TAFA1: variants seen among roughly 807,000 people sequenced by gnomAD.
TAFA1 encodes chemokine-like protein TAFA-1.
A neutral mutation model predicts 18.5 loss-of-function variants in TAFA1; 4 were observed. That is an observed-to-expected ratio of 0.22 (90% CI 0.11 to 0.49). The LOEUF (loss-of-function observed/expected upper bound fraction) is 0.49, where lower values mean the gene tolerates loss of function less well. TAFA1 is among the 20% of genes least tolerant of loss of function. TAFA1 has a pLI of 0.98. For missense variants in TAFA1, 147 were observed against 169.0 expected (o/e 0.87, Z 0.72); for synonymous variants, 56 against 55.2 (o/e 1.01, Z -0.06).
chr3:68,477,734 G>A (rs1483571892), intron 3 of TAFA1, among the ~76,000 whole-genome samples: 4 of 152,092 alleles, frequency 2.6e-5, no homozygotes, highest in Non-Finnish European at 5.9e-5. Context: ...TTGGATATAA[G>A]CCTAACAGTG....
chr3:68,153,656 T>C (rs2065833002), intron 2 of TAFA1, among the ~76,000 whole-genome samples: 1 of 152,158 alleles, frequency 6.6e-6, no homozygotes, highest in Non-Finnish European at 1.5e-5. Flanking sequence ...CATGGGTTGG[T>C]TAAGATTCTT....
the TAFA1 span, among the ~76,000 whole-genome samples, chr3:67,995,128 T>A: frequency 4.6e-5 from 7 of 152,360 alleles, no homozygotes; most frequent in African/African-American, 1.7e-4. Context: ...TCAATAAAGA[T>A]GCCTACCTTG....
intron 2 of TAFA1, among the ~76,000 whole-genome samples, chr3:68,390,416 C>T (rs1270672612): frequency 1.3e-5 from 2 of 152,202 alleles, no homozygotes; most frequent in Non-Finnish European, 2.9e-5. Flanking sequence ...GAAGGGGCAG[C>T]TGTGGGGACA....
intron 2 of TAFA1, among the ~76,000 whole-genome samples, chr3:68,269,873 A>T (rs1194100749): frequency 6.6e-6 from 1 of 152,218 alleles, no homozygotes; most frequent in Non-Finnish European, 1.5e-5. Flanking sequence ...GAAGGAAAAG[A>T]TACAAGCTTT....
chr3:68,272,040 G>C (rs2067686422), intron 2 of TAFA1, among the ~76,000 whole-genome samples: 1 of 152,122 alleles, frequency 6.6e-6, no homozygotes, highest in African/African-American at 2.4e-5. Context: ...ATTGACTTAT[G>C]GCAATGTATG....
intron 3 of TAFA1, among the ~76,000 whole-genome samples, chr3:68,517,192 A>G (rs1040388851): frequency 1.5e-4 from 23 of 152,190 alleles, no homozygotes; most frequent in Non-Finnish European, 4.4e-5. Context: ...ACTTCTTAAA[A>G]GAAACTGAGG....
intron 3 of TAFA1, among the ~76,000 whole-genome samples, chr3:68,428,906 C>G (rs923333191): frequency 3.3e-5 from 5 of 151,958 alleles, no homozygotes; most frequent in African/African-American, 1.2e-4. Flanking sequence ...CCAGATGCCT[C>G]TTCTCATCAA....
rs1282369886 is a variant in TAFA1, at chr3:68,324,869, A to T, written c.119-92411A>T. The stretch of plus-strand genomic sequence containing the variant: ...TCACTTTTTAGGCAGGAAAGGGATG[A>T]TTTGTTCTGTTTTGTAGTTTGGCTC... On this transcript the variant is annotated intron_variant, in intron 2 of 4. Coordinates refer to ENST00000478136, the MANE Select transcript of TAFA1 (RefSeq NM_213609.4). Among the ~76,000 whole-genome samples the T allele has an allele frequency of 2.0e-5, 3 of 152,114 alleles. No individual in the cohort carries two copies. In the East Asian group the frequency reaches 5.8e-4, roughly 29 times the overall value.
intron 2 of TAFA1, among the ~76,000 whole-genome samples, chr3:68,412,276 G>A (rs531218815): frequency 4.6e-5 from 7 of 152,164 alleles, no homozygotes; most frequent in Admixed American, 2.6e-4. Flanking sequence ...TATGGGGTGA[G>A]GGTCTGGGTT....
intron 2 of TAFA1, among the ~76,000 whole-genome samples, chr3:68,299,635 C>CA (rs1167894992): frequency 1.3e-5 from 2 of 152,176 alleles, no homozygotes; most frequent in African/African-American, 4.8e-5. Context: ...AAAATGTCTC[C>CA]AGGCCATGTC....
At chr3:68,051,538 A>T (rs1404719508) in intron 2 of TAFA1, among the ~76,000 whole-genome samples, 1 of 152,140 alleles carries the variant, frequency 6.6e-6, no homozygotes, top group Admixed American at 6.6e-5. Context: ...AGTAAAATCT[A>T]AAAATCCTTT....
At chr3:68,378,178 C>T (rs2069856837) in intron 2 of TAFA1, among the ~76,000 whole-genome samples, 2 of 152,294 alleles carry the variant, frequency 1.3e-5, no homozygotes, top group South Asian at 4.1e-4. Flanking sequence ...AATTGTAGAT[C>T]CACTGACACC....
Position 68,541,092 on chromosome 3 carries a change from C to T in TAFA1, c.384+2212C>T, listed in dbSNP as rs957843774. Among the ~76,000 whole-genome samples the T allele has an allele frequency of 3.3e-5, 5 of 152,294 alleles. No individual in the cohort carries two copies. In the South Asian group the frequency reaches 1.0e-3, roughly 32 times the overall value. The stretch of plus-strand genomic sequence containing the variant: ...ATGTACCTGTTCTGACGTATACATC[C>T]TTTTCAAGCAAGGAAATAGGAGGCC... On this transcript the variant is annotated intron_variant, in intron 4 of 4. Coordinates refer to ENST00000478136, the MANE Select transcript of TAFA1 (RefSeq NM_213609.4).
chr3:68,283,870 A>G (rs2107261940), intron 2 of TAFA1, among the ~76,000 whole-genome samples: 1 of 152,298 alleles, frequency 6.6e-6, no homozygotes, highest in South Asian at 2.1e-4. Context: ...TTCATTGATT[A>G]GTTGAATCCT....
At chr3:68,448,224 A>T (rs2071505053) in intron 3 of TAFA1, among the ~76,000 whole-genome samples, 1 of 152,214 alleles carries the variant, frequency 6.6e-6, no homozygotes, top group African/African-American at 2.4e-5. Flanking sequence ...GTCCACAGAC[A>T]ACTTCTGAGG....
intron 2 of TAFA1, chr3:68,192,627 C>A (rs2066356049): frequency 6.6e-6 from 1 of 151,822 alleles, no homozygotes; most frequent in Non-Finnish European, 1.5e-5. Context: ...ATATCAATAT[C>A]CTTTCTGTTG....
At chr3:68,456,389 C>T (rs1012453138) in intron 3 of TAFA1, among the ~76,000 whole-genome samples, 1 of 152,104 alleles carries the variant, frequency 6.6e-6, no homozygotes, top group Non-Finnish European at 1.5e-5. Context: ...ACACTTTCAT[C>T]TTCATTTAAA....
chr3:68,057,314 C>A (rs1159773713), intron 2 of TAFA1, among the ~76,000 whole-genome samples: 2 of 152,182 alleles, frequency 1.3e-5, no homozygotes, highest in African/African-American at 4.8e-5. Context: ...TGTATTCACC[C>A]AAGGCCAGCT....
At chr3:68,493,738 A>G (rs2072494830) in intron 3 of TAFA1, among the ~76,000 whole-genome samples, 1 of 152,260 alleles carries the variant, frequency 6.6e-6, no homozygotes, top group South Asian at 2.1e-4. Context: ...GATCAAGCAC[A>G]TTCTAGACAA....
Sources: gnomAD v4.1 joint callset for allele counts (sites outside exome capture counted in the v4.1 genomes callset) on GRCh38, gnomAD v4.1.1 for gene constraint, MANE v1.5 for transcripts, NCBI Gene and HGNC (gene_info 2026-07-23, HGNC 2026-07-21) for gene names.